Variants in CAMKMT observed in about 807,000 individuals in gnomAD.
CAMKMT encodes the protein calmodulin-lysine N-methyltransferase.
A neutral mutation model predicts 48.0 loss-of-function variants in CAMKMT; 53 were observed. That is an observed-to-expected ratio of 1.10 (90% CI 0.89 to 1.39). The LOEUF (loss-of-function observed/expected upper bound fraction) is 1.39. Ranked by LOEUF, CAMKMT falls within the 40% of genes most tolerant of loss-of-function variation. The probability of loss-of-function intolerance (pLI) is 0.00; values close to 1 mark genes in which losing one functional copy is unlikely to be tolerated. For synonymous variants in CAMKMT, 165 were observed against 152.3 expected (o/e 1.08, Z -0.61); for missense variants, 428 against 402.7 (o/e 1.06, Z -0.54).
At chr2:44,759,326 G>T (rs530814516) in intron 9 of CAMKMT, among the ~76,000 whole-genome samples, 118 of 152,222 alleles carry the variant, frequency 7.8e-4, no homozygotes, top group Non-Finnish European at 1.3e-3. Context: ...TTGCCATGTT[G>T]CCCAGGCTGG....
At chr2:44,696,352 T>C (rs1189475991) in intron 3 of CAMKMT, among the ~76,000 whole-genome samples, 3 of 152,162 alleles carry the variant, frequency 2.0e-5, no homozygotes, top group Non-Finnish European at 4.4e-5. Context: ...CAAATTTTGG[T>C]ATGGAGTGGA....
chr2:44,504,283 C>T (rs1670151996), intron 3 of CAMKMT, among the ~76,000 whole-genome samples: 1 of 152,152 alleles, frequency 6.6e-6, no homozygotes, highest in African/African-American at 2.4e-5. Flanking sequence ...GAAGATAAGA[C>T]ACACTGCTCA....
chr2:44,383,196 G>T (rs370338935), intron 2 of CAMKMT, among the ~76,000 whole-genome samples: 3 of 151,152 alleles, frequency 2.0e-5, no homozygotes, highest in Admixed American at 2.0e-4. Flanking sequence ...GCAGAATCTC[G>T]CTCTGTCACC....
chr2:44,413,205 T>C (rs926181464), intron 3 of CAMKMT, among the ~76,000 whole-genome samples: 1 of 152,200 alleles, frequency 6.6e-6, no homozygotes, highest in Non-Finnish European at 1.5e-5. Flanking sequence ...TCTGTTGTTT[T>C]TCACTTGAGT....
chr2:44,516,740 T>TG (rs1439653503), intron 3 of CAMKMT, among the ~76,000 whole-genome samples: 2 of 119,202 alleles, frequency 1.7e-5, no homozygotes, highest in African/African-American at 8.8e-5. Context: ...TTTCTTGAGA[T>TG]TTTTTTTTTT....
chr2:44,545,446 A>G (rs1327599079), intron 3 of CAMKMT, among the ~76,000 whole-genome samples: 2 of 152,206 alleles, frequency 1.3e-5, no homozygotes, highest in Non-Finnish European at 2.9e-5. Context: ...GAGTCATAAT[A>G]CATGTACCCT....
chr2:44,709,313 T>TA (rs1558810226), intron 6 of CAMKMT, among the ~76,000 whole-genome samples: 2 of 152,168 alleles, frequency 1.3e-5, no homozygotes, highest in Non-Finnish European at 2.9e-5. Context: ...GGAAGAACTT[T>TA]ACAAAGTAGA....
intron 3 of CAMKMT, among the ~76,000 whole-genome samples, chr2:44,416,973 G>T (rs1683601574): frequency 6.6e-6 from 1 of 151,786 alleles, no homozygotes; most frequent in Admixed American, 6.6e-5. Context: ...TCCCTCTGTT[G>T]CCCAGGCTGG....
At chr2:44,412,616 G>A (rs754159585) in intron 3 of CAMKMT, among the ~76,000 whole-genome samples, 5 of 151,998 alleles carry the variant, frequency 3.3e-5, no homozygotes, top group South Asian at 2.1e-4. Context: ...GTTTACAGGC[G>A]TGAGCCACTG....
chr2:44,495,349 G>T (rs919375227), intron 3 of CAMKMT, among the ~76,000 whole-genome samples: 15 of 152,072 alleles, frequency 9.9e-5, no homozygotes, highest in Admixed American at 4.6e-4. Flanking sequence ...TTGCTATGGT[G>T]CCCAGGCTGG....
chr2:44,770,241 T>A (rs1681046955), intron 10 of CAMKMT, among the ~76,000 whole-genome samples: 2 of 152,214 alleles, frequency 1.3e-5, no homozygotes, highest in South Asian at 4.1e-4. Flanking sequence ...CTTGCTTGAT[T>A]CAGAAATGAT....
chr2:44,691,209 A>G lies in CAMKMT; in HGVS notation c.377-13074A>G, dbSNP rs560151976. 3.9e-4 allele frequency among the ~76,000 whole-genome samples: 59 copies of G among 152,286 alleles called. No homozygotes were observed. In the East Asian group the frequency reaches 6.2e-3, roughly 16 times the overall value. On this transcript the variant is annotated intron_variant, in intron 3 of 10. Coordinates refer to ENST00000378494, the MANE Select transcript of CAMKMT (RefSeq NM_024766.5). The stretch of plus-strand genomic sequence containing the variant: ...GCTCTAAGCCACTGCGGTGATGGCT[A>G]TGACCGCCGTGCATTTCTTTTTCTC...
chr2:44,520,992 T>G (rs1388851066), intron 3 of CAMKMT, among the ~76,000 whole-genome samples: 3 of 152,220 alleles, frequency 2.0e-5, no homozygotes, highest in Non-Finnish European at 4.4e-5. Context: ...CTTTTCTTTA[T>G]AAATTACCCA....
chr2:44,507,888 C>A (rs963864022), intron 3 of CAMKMT, among the ~76,000 whole-genome samples: 1 of 152,186 alleles, frequency 6.6e-6, no homozygotes, highest in Non-Finnish European at 1.5e-5. Context: ...ATGCAAGAAA[C>A]TTACCTCGGC....
At chr2:44,415,951 G>C (rs545174574) in intron 3 of CAMKMT, among the ~76,000 whole-genome samples, 8 of 152,290 alleles carry the variant, frequency 5.3e-5, no homozygotes, top group African/African-American at 1.7e-4. Flanking sequence ...TAAGCTGCAC[G>C]TAATAGTTTA....
chr2:44,440,635 C>T (rs1027801917), intron 3 of CAMKMT, among the ~76,000 whole-genome samples: 1 of 152,076 alleles, frequency 6.6e-6, no homozygotes, highest in African/African-American at 2.4e-5. Context: ...TTTCAATGCA[C>T]ATTTCAAGGG....
chr2:44,414,051 A>G (rs1224768857), intron 3 of CAMKMT, among the ~76,000 whole-genome samples: 2 of 152,186 alleles, frequency 1.3e-5, no homozygotes, highest in African/African-American at 4.8e-5. Flanking sequence ...TTTTGACTAT[A>G]CATTGGCAGG....
At chr2:44,729,933 C>A (rs969737300) in intron 7 of CAMKMT, among the ~76,000 whole-genome samples, 1 of 152,088 alleles carries the variant, frequency 6.6e-6, no homozygotes, top group Non-Finnish European at 1.5e-5. Context: ...TGTATTTCAA[C>A]AGACTATCTA....
chr2:44,770,922 G>A (rs993878517), intron 10 of CAMKMT, among the ~76,000 whole-genome samples: 3 of 152,260 alleles, frequency 2.0e-5, no homozygotes, highest in Non-Finnish European at 4.4e-5. Context: ...TGGGAAAGTA[G>A]ATTGGAAAGT....
Sources: allele counts gnomAD v4.1 joint callset (sites outside exome capture counted in the v4.1 genomes callset), GRCh38; gene constraint gnomAD v4.1.1; transcripts MANE v1.5; gene names NCBI Gene and HGNC (gene_info 2026-07-23, HGNC 2026-07-21).